Variants in LUZP2 observed in about 807,000 individuals in gnomAD.
LUZP2 encodes leucine zipper protein 2.
In LUZP2, 52 loss-of-function variants were observed where a neutral mutation model predicts 51.6. That is an observed-to-expected ratio of 1.01 (90% CI 0.81 to 1.27). The LOEUF is 1.27. LUZP2 is among the 50% of genes most tolerant of loss of function. The probability of loss-of-function intolerance (pLI) is 0.00; values close to 1 mark genes in which losing one functional copy is unlikely to be tolerated. For missense variants in LUZP2, 436 were observed against 395.4 expected (o/e 1.10, Z -0.87); for synonymous variants, 154 against 137.3 (o/e 1.12, Z -0.85).
chr11:24,757,618 C>T (rs951261677), intron 4 of LUZP2, among the ~76,000 whole-genome samples: 1 of 151,748 alleles, frequency 6.6e-6, no homozygotes, highest in African/African-American at 2.4e-5. Context: ...AGACAAAAAA[C>T]AATAAACTAT....
intron 10 of LUZP2, among the ~76,000 whole-genome samples, chr11:25,063,714 T>TAAAC (rs10673795): frequency 0.9 from 135,993 of 151,494 alleles, 62,133 homozygotes; most frequent in Non-Finnish European, 0.97. Context: ...CATTAATCAT[T>TAAAC]AACCACCATT....
chr11:25,025,247 A>G (rs923487048), intron 9 of LUZP2, among the ~76,000 whole-genome samples: 1 of 152,132 alleles, frequency 6.6e-6, no homozygotes, highest in Non-Finnish European at 1.5e-5. Context: ...CAAGGACTTC[A>G]TGTCTAAAAC....
chr11:24,679,700 C>T (rs1222087263), intron 1 of LUZP2, among the ~76,000 whole-genome samples: 1 of 152,156 alleles, frequency 6.6e-6, no homozygotes, highest in Non-Finnish European at 1.5e-5. Flanking sequence ...TTAAGAAAAT[C>T]ATGGGACTTG....
At chr11:24,852,937 C>T (rs1017265663) in intron 5 of LUZP2, among the ~76,000 whole-genome samples, 1 of 152,152 alleles carries the variant, frequency 6.6e-6, no homozygotes, top group Non-Finnish European at 1.5e-5. Context: ...AAATATTCCT[C>T]CATCCCTTTA....
chr11:24,820,875 C>T (rs991192677), intron 5 of LUZP2, among the ~76,000 whole-genome samples: 2 of 152,048 alleles, frequency 1.3e-5, no homozygotes, highest in African/African-American at 2.4e-5. Context: ...GTAGTCTATT[C>T]TATGATAGAG....
chr11:24,895,328 A>G (rs989934942), intron 5 of LUZP2, among the ~76,000 whole-genome samples: 3 of 152,206 alleles, frequency 2.0e-5, no homozygotes. Flanking sequence ...ATATAAAAAA[A>G]CTGCAAGAAA....
chr11:25,055,063 T>C (rs917067488), intron 10 of LUZP2, among the ~76,000 whole-genome samples: 1 of 144,280 alleles, frequency 6.9e-6, no homozygotes, highest in Admixed American at 7.4e-5. Flanking sequence ...CAGGCTGGAG[T>C]GCCCTGGCGC....
chr11:24,906,510 A>G (rs7483701), intron 6 of LUZP2, among the ~76,000 whole-genome samples: 1,899 of 151,910 alleles, frequency 0.013, 46 homozygotes, highest in African/African-American at 0.043. Flanking sequence ...GCTGTGTAGT[A>G]AAATTGTCTC....
chr11:24,541,516 C>T (rs1389056240), intron 1 of LUZP2, among the ~76,000 whole-genome samples: 1 of 151,962 alleles, frequency 6.6e-6, no homozygotes, highest in Non-Finnish European at 1.5e-5. Context: ...ACTTTCTCAC[C>T]TTTTACCATC....
intron 5 of LUZP2, among the ~76,000 whole-genome samples, chr11:24,853,612 C>T (rs989103722): frequency 2.0e-5 from 3 of 152,112 alleles, no homozygotes; most frequent in African/African-American, 7.2e-5. Context: ...CCTTCTGAAG[C>T]CTACTTCTTT....
At chr11:24,882,940 GAGAA>G (rs150678587) in intron 5 of LUZP2, among the ~76,000 whole-genome samples, 3 of 144,412 alleles carry the variant, frequency 2.1e-5, no homozygotes, top group South Asian at 2.2e-4. Context: ...AAGAAAGAAA[GAGAA>G]AGAAAGGAAG....
At chr11:24,686,766 T>C (rs1021163642) in intron 1 of LUZP2, among the ~76,000 whole-genome samples, 1 of 152,178 alleles carries the variant, frequency 6.6e-6, no homozygotes, top group Non-Finnish European at 1.5e-5. Context: ...TTTAGGTGAA[T>C]ACTATATAAT....
intron 1 of LUZP2, among the ~76,000 whole-genome samples, chr11:24,595,509 T>C (rs1056737752): frequency 2.0e-5 from 3 of 152,196 alleles, no homozygotes; most frequent in Non-Finnish European, 4.4e-5. Flanking sequence ...CAGGTTCTGC[T>C]GGATGGTATG....
intron 5 of LUZP2, among the ~76,000 whole-genome samples, chr11:24,801,820 G>C (rs985669708): frequency 2.7e-5 from 4 of 148,576 alleles, no homozygotes; most frequent in Non-Finnish European, 4.5e-5. Flanking sequence ...GGACATACTT[G>C]GCTCTACCAC....
intron 9 of LUZP2, among the ~76,000 whole-genome samples, chr11:24,992,288 C>T (rs1173997320): frequency 2.0e-5 from 3 of 151,922 alleles, no homozygotes; most frequent in Non-Finnish European, 1.5e-5. Flanking sequence ...TGAACTAGTC[C>T]AGTAAACAGT....
At chr11:24,664,027 G>T (rs112170631) in intron 1 of LUZP2, among the ~76,000 whole-genome samples, 2,720 of 152,202 alleles carry the variant, frequency 0.018, 24 homozygotes, top group Non-Finnish European at 0.029. Flanking sequence ...ACAGTAAATT[G>T]GTACCAGGTA....
intron 1 of LUZP2, among the ~76,000 whole-genome samples, chr11:24,543,748 G>A (rs934447455): frequency 3.5e-5 from 5 of 143,124 alleles, no homozygotes; most frequent in African/African-American, 1.3e-4. Flanking sequence ...TTGAACTAAG[G>A]AGGTGGAAGT....
chr11:24,697,477 C>A (rs1857284551), intron 1 of LUZP2, among the ~76,000 whole-genome samples: 1 of 152,194 alleles, frequency 6.6e-6, no homozygotes, highest in Non-Finnish European at 1.5e-5. Flanking sequence ...ACACAGCAGA[C>A]TCTATCTTGC....
chr11:24,831,309 C>A (rs966713556), intron 5 of LUZP2, among the ~76,000 whole-genome samples: 1 of 152,114 alleles, frequency 6.6e-6, no homozygotes, highest in Non-Finnish European at 1.5e-5. Flanking sequence ...TACACTTTGT[C>A]CAGGGAAGTT....
Sources: gnomAD v4.1 joint callset for allele counts (sites outside exome capture counted in the v4.1 genomes callset) on GRCh38, gnomAD v4.1.1 for gene constraint, MANE v1.5 for transcripts, NCBI Gene and HGNC (gene_info 2026-07-23, HGNC 2026-07-21) for gene names.